ABR: variants seen among roughly 807,000 people sequenced by gnomAD.
ABR encodes the protein active breakpoint cluster region-related protein.
ABR carries 35 observed loss-of-function variants against 107.2 expected under a neutral mutation model. That is an observed-to-expected ratio of 0.33 (90% CI 0.25 to 0.43). The LOEUF (loss-of-function observed/expected upper bound fraction) is 0.43. Among genes scored for constraint, ABR ranks in the 20% least tolerant of loss-of-function variants. The pLI is 1.00. For synonymous variants in ABR, 498 were observed against 462.0 expected (o/e 1.08, Z -1.00); for missense variants, 815 against 1,115.2 (o/e 0.73, Z 3.83).
At chr17:1,109,368 T>TCCCGCCCGGCCCCGCAGGG (rs2038506163) in intron 2 of ABR, among the ~76,000 whole-genome samples, 1 of 151,714 alleles carries the variant, frequency 6.6e-6, no homozygotes, top group Non-Finnish European at 1.5e-5. Context: ...CTCCTCCGTG[T>TCCCGCCCGGCCCCGCAGGG]CCCGCCCGGC....
Position 1,073,690 on chromosome 17 carries a change from A to G in ABR, c.701-13T>C. ...TTGTAGAGCAGAGCTGTCGGGGGAG[A>G]CAGGGAGAAGGAGGAAGAGGATGAT... On this transcript the variant is annotated splice_polypyrimidine_tract_variant and intron_variant, in intron 6 of 22. Transcript: ENST00000302538. 1 of 1,599,398 alleles carries G rather than the reference A, an allele frequency of 6.3e-7. No homozygotes were observed. The highest frequency in any genetic ancestry group is 8.5e-7 in the Non-Finnish European group (1 of 1,171,202).
intron 16 of ABR, chr17:1,031,885 T>G: frequency 1.6e-5 from 16 of 983,826 alleles, no homozygotes; most frequent in Middle Eastern, 3.7e-4. Context: ...CTCCCCTCCC[T>G]CCCTCCCTCC....
At chr17:1,142,894 C>T (rs1282177336) in intron 1 of ABR, among the ~76,000 whole-genome samples, 3 of 152,188 alleles carry the variant, frequency 2.0e-5, no homozygotes, top group Non-Finnish European at 2.9e-5. Flanking sequence ...TGGAGCCCCT[C>T]ATTAGCCCAG....
intron 16 of ABR, chr17:1,031,863 T>TCCCCGCGCTCCCCTCCCTCCCTCCCG: frequency 1.4e-6 from 1 of 725,044 alleles, no homozygotes; most frequent in Non-Finnish European, 1.7e-6. Flanking sequence ...CCTCCCTCCC[T>TCCCCGCGCTCCCCTCCCTCCCTCCCG]CCCTCCCCGC....
At chr17:1,007,988 G>A (rs926839384) in intron 21 of ABR, among the ~76,000 whole-genome samples, 73 of 152,216 alleles carry the variant, frequency 4.8e-4, no homozygotes, top group African/African-American at 1.6e-3. Context: ...CTGTCCCCCC[G>A]TGCCTGTCCG....
rs145907941 is a variant in ABR at position 1,075,763 on chromosome 17, C to T, written c.701-2086G>A. 8.6e-3 allele frequency among the ~76,000 whole-genome samples: 1,305 copies of T among 152,174 alleles called. 18 individuals carry two copies. The highest frequency in any genetic ancestry group is 0.029 in the African/African-American group (1,222 of 41,490). On this transcript the variant is annotated intron_variant, in intron 6 of 22. Transcript: ENST00000302538. ...TTTTAAAAATATAGAGACGAGGGGC[C>T]GGGCAGGGTGGCTCACGCCTGTAAT...
intron 16 of ABR, among the ~76,000 whole-genome samples, chr17:1,047,833 GAGA>G (rs2031860367): frequency 6.6e-6 from 1 of 152,168 alleles, no homozygotes; most frequent in Admixed American, 6.5e-5. Flanking sequence ...GCAGCTGAGT[GAGA>G]AGGAGGGAAG....
At chr17:1,100,578 T>G in intron 3 of ABR, 59 bp downstream of exon 3, 21 of 1,519,610 alleles carry the variant, frequency 1.4e-5, no homozygotes, top group Non-Finnish European at 1.7e-5. Flanking sequence ...CTTCAGAGCA[T>G]GACATCACCC....
At chr17:1,073,763 C>G in intron 6 of ABR, 86 bp from the exon 7 acceptor site, 2 of 1,256,986 alleles carry the variant, frequency 1.6e-6, no homozygotes, top group South Asian at 2.9e-5. Context: ...TCCCCCCACC[C>G]GCATGCTTCC....
intron 16 of ABR, among the ~76,000 whole-genome samples, chr17:1,029,992 G>A (rs1031756741): frequency 6.6e-6 from 1 of 152,104 alleles, no homozygotes. Context: ...GGATGGAATC[G>A]CTCGTCACAC....
intron 1 of ABR, among the ~76,000 whole-genome samples, chr17:1,227,203 A>C (rs926284594): frequency 3.3e-5 from 5 of 152,196 alleles, no homozygotes; most frequent in African/African-American, 1.2e-4. Flanking sequence ...TATGTGCTAG[A>C]GTGTCCTAAG....
Position 1,078,880 on chromosome 17 carries a change from C to A in ABR, c.700+450G>T. ...TCCATGGCAGCCTCTGTCCCCGCGGCGGGAGCGTGCAGCCATCGCTCCAGG... is the reference window on the plus strand; with the variant it reads ...TCCATGGCAGCCTCTGTCCCCGCGGAGGGAGCGTGCAGCCATCGCTCCAGG... On this transcript the variant is annotated intron_variant, in intron 6 of 22. Transcript: ENST00000302538. This position sits in a 1 kb window ranked among gnomAD's most constrained non-coding sequence, Gnocchi z 7.5. 1 of 1,535,430 alleles carries A rather than the reference C, an allele frequency of 6.5e-7. No homozygotes were observed. Among genetic ancestry groups the A allele is most frequent in the Non-Finnish European group, 8.7e-7 (1 of 1,146,730 alleles).
chr17:1,176,584 G>A (rs146545320), intron 1 of ABR, among the ~76,000 whole-genome samples: 2,169 of 152,298 alleles, frequency 0.014, 42 homozygotes, highest in African/African-American at 0.049. Flanking sequence ...AGTGGCTCAC[G>A]CCAGTAATCC....
In ABR at chr17:1,179,801, C is replaced by T; in HGVS notation, c.-74G>A. The stretch of plus-strand genomic sequence containing the variant: ...ACAAAGGAGGGAGAGCGGGCGGGAG[C>T]CGGGGGAGGCCGAAGTTGCGAGCGC... On this transcript the variant is annotated 5_prime_UTR_variant, in exon 1 of 23. Coordinates refer to ENST00000302538, the MANE Select transcript of ABR (RefSeq NM_021962.5). This position sits in a 1 kb window ranked among gnomAD's most constrained non-coding sequence, Gnocchi z 4.9. The T allele has an allele frequency of 1.5e-6, 2 of 1,309,366 alleles. No homozygotes were observed. Among genetic ancestry groups the T allele is most frequent in the Middle Eastern group, 2.5e-4 (1 of 3,932 alleles). The allele number at this position is 1,309,366 out of a possible 1,614,324, so 81.1% of individuals were successfully genotyped here. A position where few individuals can be genotyped will look rare whatever the true frequency, so the allele number is the denominator to read the frequency against.
At chr17:1,193,915 T>TACAC (rs1567881104) in intron 1 of ABR, among the ~76,000 whole-genome samples, 44 of 151,712 alleles carry the variant, frequency 2.9e-4, no homozygotes, top group African/African-American at 1.0e-3. Flanking sequence ...AGGATGGTTT[T>TACAC]GATCTCCTGA....
chr17:1,151,317 A>G (rs1367412014), intron 1 of ABR, among the ~76,000 whole-genome samples: 1 of 152,158 alleles, frequency 6.6e-6, no homozygotes, highest in Non-Finnish European at 1.5e-5. Context: ...TCCCTGGACC[A>G]GTTCCCTAAA....
chr17:1,050,403 A>G lies in ABR; in HGVS notation c.1659+134T>C, dbSNP rs2032331033. On this transcript the variant is annotated intron_variant, in intron 15 of 22. Transcript: ENST00000302538. The surrounding 1 kb of genome is among the most constrained non-coding windows in gnomAD (Gnocchi z 4.6). ...CACCCAGACACACACCGCGATCAGA[A>G]GCCAGAGGAGCAGGGAGCAGAAAGG... 2.0e-6 allele frequency: 2 copies of G among 994,804 alleles called. No homozygotes were observed. Among genetic ancestry groups the G allele is most frequent in the Non-Finnish European group, 3.1e-6 (2 of 650,444 alleles). The allele number at this position is 994,804 out of a possible 1,614,324, so 61.6% of individuals were successfully genotyped here. A position where few individuals can be genotyped will look rare whatever the true frequency, so the allele number is the denominator to read the frequency against.
intron 10 of ABR, among the ~76,000 whole-genome samples, chr17:1,066,082 T>C (rs2034708530): frequency 6.6e-6 from 1 of 152,172 alleles, no homozygotes; most frequent in Non-Finnish European, 1.5e-5. Context: ...TTTTACCATG[T>C]TGGCCAGGCT....
intron 2 of ABR, among the ~76,000 whole-genome samples, chr17:1,103,556 C>G (rs1279167760): frequency 6.6e-6 from 1 of 152,198 alleles, no homozygotes; most frequent in East Asian, 1.9e-4. Flanking sequence ...CACAAACAAG[C>G]TTCATCCCCC....
Sources: gnomAD v4.1 joint callset for allele counts (sites outside exome capture counted in the v4.1 genomes callset) on GRCh38, gnomAD v4.1.1 for gene constraint, Gnocchi (gnomAD v3.1) non-coding constraint, MANE v1.5 for transcripts, NCBI Gene and HGNC (gene_info 2026-07-23, HGNC 2026-07-21) for gene names.